The following TEX9 variants were observed in gnomAD, a reference collection of about 807,000 sequenced individuals.
TEX9 encodes testis-expressed protein 9.
Under a neutral mutation model 59.6 loss-of-function variants are expected in TEX9, and 74 were observed. The ratio of observed to expected loss-of-function variants is 1.24; its 90% CI spans 1.03 to 1.51. The LOEUF is 1.51. TEX9 is among the 40% of genes most tolerant of loss of function. The pLI, the probability that TEX9 is intolerant of heterozygous loss-of-function variation, is 0.00. For missense variants in TEX9, 522 were observed against 447.8 expected (o/e 1.17, Z -1.49); for synonymous variants, 186 against 152.2 (o/e 1.22, Z -1.64).
chr15:56,288,986 T>A (rs1360083491), intron 1 of TEX9, among the ~76,000 whole-genome samples: 3 of 152,210 alleles, frequency 2.0e-5, no homozygotes, highest in Admixed American at 6.5e-5. Flanking sequence ...TGATTCTTTC[T>A]TTTGCTTTAT....
chr15:56,266,272 G>T, intron 1 of TEX9, among the ~76,000 whole-genome samples: 1 of 151,166 alleles, frequency 6.6e-6, no homozygotes. Flanking sequence ...GACTACAGGT[G>T]TGCACCACCA....
At chr15:56,250,758 A>AG (rs1179463664) in intron 1 of TEX9, among the ~76,000 whole-genome samples, 1 of 152,004 alleles carries the variant, frequency 6.6e-6, no homozygotes, top group Non-Finnish European at 1.5e-5. Flanking sequence ...CTTCTTCCTT[A>AG]GGGAAAAAAA....
intron 1 of TEX9, among the ~76,000 whole-genome samples, chr15:56,317,749 T>G (rs867420586): frequency 6.6e-6 from 1 of 152,240 alleles, no homozygotes; most frequent in Non-Finnish European, 1.5e-5. Context: ...TAATTTCCCT[T>G]GTGATTTCAT....
At chr15:56,392,019 A>G (rs1336886056) in intron 7 of TEX9, among the ~76,000 whole-genome samples, 5 of 151,950 alleles carry the variant, frequency 3.3e-5, no homozygotes, top group Non-Finnish European at 7.4e-5. Flanking sequence ...CTCCTATGCT[A>G]TTGAAACAAA....
chr15:56,388,987 A>G (rs74447146), intron 5 of TEX9, among the ~76,000 whole-genome samples: 109 of 152,116 alleles, frequency 7.2e-4, no homozygotes, highest in Non-Finnish European at 1.3e-3. Context: ...AGGCCACGGG[A>G]GGTCTGCCTG....
chr15:56,347,738 T>C (rs2046499165), intron 1 of TEX9, among the ~76,000 whole-genome samples: 1 of 152,002 alleles, frequency 6.6e-6, no homozygotes, highest in East Asian at 1.9e-4. Context: ...AAAAGCATGA[T>C]CTATAAAAAG....
intron 9 of TEX9, among the ~76,000 whole-genome samples, chr15:56,403,791 C>A (rs929709353): frequency 2.0e-5 from 3 of 152,124 alleles, no homozygotes; most frequent in Admixed American, 6.5e-5. Context: ...GAGATATAGA[C>A]CAATGGAACA....
chr15:56,437,629 G>GAGAA (rs767517044), intron 12 of TEX9, among the ~76,000 whole-genome samples: 1 of 152,158 alleles, frequency 6.6e-6, no homozygotes, highest in Non-Finnish European at 1.5e-5. Context: ...AGTCAGGCAG[G>GAGAA]AGAAAGAAAG....
intron 1 of TEX9, among the ~76,000 whole-genome samples, chr15:56,327,932 G>A (rs1448637784): frequency 6.6e-6 from 1 of 152,082 alleles, no homozygotes; most frequent in Non-Finnish European, 1.5e-5. Flanking sequence ...CAACTCTTAG[G>A]CAAGTCGTAG....
At chr15:56,367,006 T>C (rs1208843389) in intron 2 of TEX9, among the ~76,000 whole-genome samples, 1 of 152,238 alleles carries the variant, frequency 6.6e-6, no homozygotes, top group Non-Finnish European at 1.5e-5. Context: ...ATTTTCATTA[T>C]CATTAACCAT....
At chr15:56,357,908 A>G (rs1184954300) in intron 1 of TEX9, among the ~76,000 whole-genome samples, 2 of 152,020 alleles carry the variant, frequency 1.3e-5, no homozygotes, top group East Asian at 3.8e-4. Context: ...AATATTTGTT[A>G]TTTCTTCTAA....
chr15:56,396,251 T>TGATA (rs2048463074), intron 9 of TEX9: 1 of 152,230 alleles, frequency 6.6e-6, no homozygotes. Context: ...TTTAAACATT[T>TGATA]TGGTCTTGTA....
chr15:56,272,596 A>G (rs556457146), intron 1 of TEX9, among the ~76,000 whole-genome samples: 2 of 152,190 alleles, frequency 1.3e-5, no homozygotes, highest in Non-Finnish European at 2.9e-5. Context: ...TTGTGTGAAC[A>G]TATGTTTTTC....
intron 12 of TEX9, among the ~76,000 whole-genome samples, chr15:56,438,738 C>T (rs1217960225): frequency 6.6e-6 from 1 of 152,168 alleles, no homozygotes; most frequent in African/African-American, 2.4e-5. Flanking sequence ...TTTTTGCAAT[C>T]TACCCATCTG....
chr15:56,348,288 T>C (rs1276385031), intron 1 of TEX9, among the ~76,000 whole-genome samples: 1 of 152,068 alleles, frequency 6.6e-6, no homozygotes, highest in Non-Finnish European at 1.5e-5. Context: ...AAGTACTCCT[T>C]CTCCTGGAAG....
chr15:56,392,009 C>T (rs1236346892), intron 7 of TEX9, among the ~76,000 whole-genome samples: 1 of 151,792 alleles, frequency 6.6e-6, no homozygotes, highest in African/African-American at 2.4e-5. Flanking sequence ...TATGAGGAGC[C>T]TCCTATGCTA....
At chr15:56,288,935 C>G (rs2045017898) in intron 1 of TEX9, among the ~76,000 whole-genome samples, 1 of 151,926 alleles carries the variant, frequency 6.6e-6, no homozygotes, top group Admixed American at 6.6e-5. Context: ...ATTTGTTTCC[C>G]CCTTAGTGCA....
At chr15:56,324,048 C>T (rs2045964568) in intron 1 of TEX9, among the ~76,000 whole-genome samples, 1 of 152,014 alleles carries the variant, frequency 6.6e-6, no homozygotes, top group Admixed American at 6.6e-5. Flanking sequence ...CGTAAACTGG[C>T]ATAGAAATCG....
chr15:56,285,226 A>G (rs2044924930), intron 1 of TEX9, among the ~76,000 whole-genome samples: 1 of 151,942 alleles, frequency 6.6e-6, no homozygotes, highest in Admixed American at 6.6e-5. Flanking sequence ...GAACATTTTT[A>G]CTTTACCCTC....
Sources: allele counts gnomAD v4.1 joint callset (sites outside exome capture counted in the v4.1 genomes callset), GRCh38; gene constraint gnomAD v4.1.1; transcripts MANE v1.5; gene names NCBI Gene and HGNC (gene_info 2026-07-23, HGNC 2026-07-21).